Variants in POLN observed in about 807,000 individuals in gnomAD.
POLN encodes DNA polymerase N.
A neutral mutation model predicts 113.5 loss-of-function variants in POLN; 108 were observed. The ratio of observed to expected loss-of-function variants is 0.95; its 90% CI spans 0.81 to 1.12. The LOEUF (loss-of-function observed/expected upper bound fraction) is 1.12. Among genes scored for constraint, POLN ranks in the 50% most tolerant of loss-of-function variants. The pLI is 0.00. For missense variants in POLN, 1,097 were observed against 1,077.1 expected, an observed-to-expected ratio of 1.02 and a Z score of -0.26; for synonymous variants, 386 against 391.5, an observed-to-expected ratio of 0.99 and a Z score of 0.17.
rs1730628814 is a variant in POLN at position 2,089,968 on chromosome 4, G to A, written c.2066-4224C>T. On this transcript the variant is annotated intron_variant, in intron 20 of 25. Transcript: ENST00000511885. Reference sequence around the variant, plus strand: ...TGAAAGTTCTTTTGTTAACCTACATGATTCTGGTTTCTTTTCACTTTTAAG... The same window carrying A: ...TGAAAGTTCTTTTGTTAACCTACATAATTCTGGTTTCTTTTCACTTTTAAG... The A allele has an allele frequency of 4.3e-6, 4 of 935,622 alleles. No homozygotes were observed. In the South Asian group the frequency reaches 4.4e-5, roughly 10 times the overall value. 58.0% of individuals were successfully genotyped at this position (935,622 alleles called of 1,614,324 possible). A position where few individuals can be genotyped will look rare whatever the true frequency, so the allele number is the denominator to read the frequency against.
intron 7 of POLN, among the ~76,000 whole-genome samples, chr4:2,182,787 C>T (rs1161386499): frequency 6.8e-6 from 1 of 147,934 alleles, no homozygotes; most frequent in Non-Finnish European, 1.5e-5. Flanking sequence ...ACCAAAAACA[C>T]AAATAACAAA....
At chr4:2,172,190 A>G (rs974694519) in intron 11 of POLN, among the ~76,000 whole-genome samples, 6 of 152,234 alleles carry the variant, frequency 3.9e-5, no homozygotes, top group African/African-American at 1.4e-4. Context: ...TCAGGGAGCC[A>G]TTCTAAGGAC....
intron 17 of POLN, among the ~76,000 whole-genome samples, chr4:2,129,681 C>T (rs1036809471): frequency 4.6e-5 from 7 of 152,178 alleles, no homozygotes; most frequent in Non-Finnish European, 1.0e-4. Context: ...TGAGCCATGG[C>T]GCCTGGCCTT....
intron 2 of POLN, among the ~76,000 whole-genome samples, chr4:2,239,606 C>G (rs1734897334): frequency 2.6e-5 from 4 of 152,166 alleles, no homozygotes. Flanking sequence ...CATATATTCT[C>G]AAAAAGAAAT....
intron 13 of POLN, among the ~76,000 whole-genome samples, chr4:2,163,026 CCAAAAAAA>C (rs1732637339): frequency 5.2e-5 from 1 of 19,280 alleles, no homozygotes; most frequent in African/African-American, 2.4e-4. Context: ...TCAGTTCCTA[CCAAAAAAA>C]AAAAAAAAAA....
intron 6 of POLN, among the ~76,000 whole-genome samples, chr4:2,196,596 C>A (rs188690657): frequency 1.3e-5 from 2 of 150,008 alleles, no homozygotes; most frequent in Non-Finnish European, 2.9e-5. Flanking sequence ...ATTTGGACTG[C>A]GTACACAACT....
chr4:2,116,177 A>T (rs919636054), intron 19 of POLN, among the ~76,000 whole-genome samples: 1 of 152,144 alleles, frequency 6.6e-6, no homozygotes, highest in Non-Finnish European at 1.5e-5. Context: ...CTGTCCCTAG[A>T]CACTCTGGAA....
At position 2,084,729 on chromosome 4, in the gene POLN, G is replaced by C. The variant is rs1435801916; in HGVS notation, c.2197+884C>G. Among the ~76,000 whole-genome samples, 3 of 152,364 alleles carry C rather than the reference G, an allele frequency of 2.0e-5. No individual in the cohort carries two copies. In the East Asian group the frequency reaches 5.8e-4, roughly 29 times the overall value. On this transcript the variant is annotated intron_variant, in intron 21 of 25. Coordinates refer to ENST00000511885, the MANE Select transcript of POLN (RefSeq NM_181808.4). ...GCCACACAGACACTGCCGGCACCCA[G>C]AGGAAACAGGCCGCAGCATCTAAGA... is the stretch of plus-strand genomic sequence containing the variant.
chr4:2,081,103 C>T (rs1730404121), intron 22 of POLN, 67 bp from the exon 23 acceptor site: 1 of 1,610,330 alleles, frequency 6.2e-7, no homozygotes, highest in Non-Finnish European at 8.5e-7. Flanking sequence ...CAGCATTCTG[C>T]ACCATCGCCA....
chr4:2,116,751 T>C (rs1040914358), intron 19 of POLN, among the ~76,000 whole-genome samples: 1 of 152,226 alleles, frequency 6.6e-6, no homozygotes, highest in Admixed American at 6.5e-5. Flanking sequence ...CACCCATTCA[T>C]GGCATTCCAA....
chr4:2,217,483 C>T (rs1233360116), intron 3 of POLN, among the ~76,000 whole-genome samples: 1 of 152,202 alleles, frequency 6.6e-6, no homozygotes, highest in Non-Finnish European at 1.5e-5. Context: ...GAGCCACTTC[C>T]AACTTGCAAT....
Position 2,072,949 on chromosome 4 carries a change from G to A in POLN, c.2517+19C>T. 2 of 1,612,078 alleles carry A rather than the reference G, an allele frequency of 1.2e-6. No individual in the cohort carries two copies. The highest frequency in any genetic ancestry group is 1.7e-6 in the Non-Finnish European group (2 of 1,179,522). On this transcript the variant is annotated intron_variant, in intron 25 of 25. Coordinates refer to ENST00000511885, the MANE Select transcript of POLN (RefSeq NM_181808.4). The stretch of plus-strand genomic sequence containing the variant: ...ACCCTGGGCTCCGGAAGACCGGGCA[G>A]GCTTAAGTGTCCCCTCACCTGAAGC...
chr4:2,174,123 G>A, intron 10 of POLN, 104 bp from the exon 11 acceptor site: 1 of 1,077,356 alleles, frequency 9.3e-7, no homozygotes, highest in Non-Finnish European at 1.4e-6. Context: ...GACTGCAACT[G>A]CCATTTACTC....
chr4:2,141,162 G>A (rs559873735), intron 16 of POLN: 1 of 152,418 alleles, frequency 6.6e-6, no homozygotes, highest in East Asian at 1.9e-4. Flanking sequence ...TTCTAGGTCA[G>A]GTAAGCTGAG....
chr4:2,086,626 T>G (rs1286184226), intron 20 of POLN, among the ~76,000 whole-genome samples: 3 of 152,026 alleles, frequency 2.0e-5, no homozygotes, highest in Non-Finnish European at 4.4e-5. Flanking sequence ...AATAATAATG[T>G]AAATAGAGAA....
At chr4:2,147,720 G>A (rs569054750) in intron 16 of POLN, among the ~76,000 whole-genome samples, 46 of 136,542 alleles carry the variant, frequency 3.4e-4, no homozygotes, top group Non-Finnish European at 5.2e-4. Flanking sequence ...TTGGCTCACC[G>A]CAACCTCTGC....
chr4:2,212,930 T>C (rs75183121), intron 4 of POLN, 117 bp downstream of exon 4: 4 of 466,678 alleles, frequency 8.6e-6, no homozygotes, highest in African/African-American at 6.3e-5. Context: ...GAACGCCTCT[T>C]TTTTTTTTTT....
chr4:2,220,332 C>G (rs1286454458), intron 3 of POLN, among the ~76,000 whole-genome samples: 4 of 152,208 alleles, frequency 2.6e-5, no homozygotes. Flanking sequence ...CACTTCCCAG[C>G]TACTTCTGCA....
At chr4:2,174,245 C>A (rs1732939427) in intron 10 of POLN, among the ~76,000 whole-genome samples, 1 of 152,234 alleles carries the variant, frequency 6.6e-6, no homozygotes, top group Non-Finnish European at 1.5e-5. Flanking sequence ...GGCGAGGGGA[C>A]CGCACTGGCC....
Sources: gnomAD v4.1 joint callset for allele counts (sites outside exome capture counted in the v4.1 genomes callset) on GRCh38, gnomAD v4.1.1 for gene constraint, MANE v1.5 for transcripts, NCBI Gene and HGNC (gene_info 2026-07-23, HGNC 2026-07-21) for gene names.